Variants in COL4A2 observed in about 807,000 individuals in gnomAD.
The protein encoded by COL4A2 is collagen type IV alpha 2 chain.
COL4A2 carries 99 observed loss-of-function variants against 200.2 expected under a neutral mutation model. That is an observed-to-expected ratio of 0.49 (90% CI 0.42 to 0.58). COL4A2 has a LOEUF of 0.58. COL4A2 is among the 20% of genes least tolerant of loss of function. The pLI is 0.00. For missense variants in COL4A2, 1,950 were observed against 2,314.1 expected (o/e 0.84, Z 3.23); for synonymous variants, 897 against 900.6 (o/e 1.00, Z 0.07).
intron 3 of COL4A2, among the ~76,000 whole-genome samples, chr13:110,326,808 G>A (rs912051619): frequency 1.3e-5 from 2 of 152,186 alleles, no homozygotes; most frequent in African/African-American, 2.4e-5. Context: ...TCGGCCACCT[G>A]TGGACAGCAC....
At chr13:110,410,425 C>T (rs1879786843) in intron 4 of COL4A2, among the ~76,000 whole-genome samples, 1 of 152,192 alleles carries the variant, frequency 6.6e-6, no homozygotes, top group South Asian at 2.1e-4. Flanking sequence ...CACTGTGAGA[C>T]TCATTCTGTT....
At chr13:110,372,967 C>T (rs926049801) in intron 4 of COL4A2, among the ~76,000 whole-genome samples, 1 of 152,196 alleles carries the variant, frequency 6.6e-6, no homozygotes, top group African/African-American at 2.4e-5. Context: ...ATGTTGGCTG[C>T]TGTGTAGCTG....
intron 27 of COL4A2, among the ~76,000 whole-genome samples, chr13:110,467,560 C>G (rs1304621453): frequency 1.3e-5 from 2 of 152,262 alleles, no homozygotes; most frequent in African/African-American, 4.8e-5. Context: ...ACCTGGGCTT[C>G]TATCTGCTGG....
At chr13:110,360,137 C>T (rs1877452348) in intron 4 of COL4A2, among the ~76,000 whole-genome samples, 1 of 152,250 alleles carries the variant, frequency 6.6e-6, no homozygotes, top group Admixed American at 6.5e-5. Flanking sequence ...CACCCCGCAG[C>T]CCTTGACTGG....
intron 37 of COL4A2, among the ~76,000 whole-genome samples, chr13:110,491,576 C>G (rs1883284456): frequency 6.6e-6 from 1 of 152,184 alleles, no homozygotes; most frequent in African/African-American, 2.4e-5. Flanking sequence ...AGAAGTGCCT[C>G]TTCGGTTGAG....
chr13:110,389,383 T>C (rs1334748818), intron 4 of COL4A2, among the ~76,000 whole-genome samples: 1 of 152,190 alleles, frequency 6.6e-6, no homozygotes, highest in African/African-American at 2.4e-5. Flanking sequence ...CCCTAATCTG[T>C]GCATGTGTGT....
At chr13:110,404,398 G>A (rs7991842) in intron 4 of COL4A2, among the ~76,000 whole-genome samples, 109,148 of 152,086 alleles carry the variant, frequency 0.72, 39,817 homozygotes, top group East Asian at 0.86. Flanking sequence ...TGCGTGAAGG[G>A]TTCTGTGATA....
intron 3 of COL4A2, among the ~76,000 whole-genome samples, chr13:110,349,278 T>C (rs1455755433): frequency 6.6e-6 from 1 of 152,212 alleles, no homozygotes; most frequent in Non-Finnish European, 1.5e-5. Context: ...TGGGCAGTTT[T>C]CTCCACGTTT....
intron 4 of COL4A2, among the ~76,000 whole-genome samples, chr13:110,367,901 G>C (rs551706929): frequency 6.6e-6 from 1 of 152,160 alleles, no homozygotes; most frequent in Admixed American, 6.5e-5. Flanking sequence ...TACTGTACAC[G>C]TTCACAGCCC....
intron 3 of COL4A2, among the ~76,000 whole-genome samples, chr13:110,310,165 GCTC>G (rs761916509): frequency 0.016 from 2,459 of 152,312 alleles, 36 homozygotes; most frequent in Middle Eastern, 0.041. Flanking sequence ...ATTGCTGCAA[GCTC>G]ACCCCCAGTC....
chr13:110,324,640 A>G (rs1239454425), intron 3 of COL4A2, among the ~76,000 whole-genome samples: 1 of 152,118 alleles, frequency 6.6e-6, no homozygotes, highest in East Asian at 1.9e-4. Context: ...CTGCATTCCT[A>G]ATGCTCCCAG....
chr13:110,349,285 G>A (rs1053930525), intron 3 of COL4A2, among the ~76,000 whole-genome samples: 2 of 152,146 alleles, frequency 1.3e-5, no homozygotes, highest in Admixed American at 6.5e-5. Context: ...TTTTCTCCAC[G>A]TTTTGAGATG....
intron 12 of COL4A2, among the ~76,000 whole-genome samples, chr13:110,435,515 G>C (rs951098572): frequency 6.6e-6 from 1 of 152,202 alleles, no homozygotes; most frequent in African/African-American, 2.4e-5. Context: ...GACACTCAGC[G>C]TACACTATGG....
chr13:110,391,550 T>C (rs112408321), intron 4 of COL4A2, among the ~76,000 whole-genome samples: 27 of 152,296 alleles, frequency 1.8e-4, no homozygotes, highest in African/African-American at 6.3e-4. Context: ...AAGAAGAAAT[T>C]GAGTAGTGAA....
At chr13:110,401,794 G>A (rs4492912) in intron 4 of COL4A2, among the ~76,000 whole-genome samples, 89,222 of 152,076 alleles carry the variant, frequency 0.59, 26,827 homozygotes, top group Non-Finnish European at 0.66. Flanking sequence ...CTGTTCTAGA[G>A]GCTGGTAAGT....
rs1205948593 is a variant in COL4A2 at position 110,457,273 on chromosome 13, T to C, written c.1340-70T>C. The C allele has an allele frequency of 6.7e-6, 5 of 746,828 alleles. 1 individual carries two copies. The East Asian group carries it at 1.3e-4, about 20-fold the overall frequency. The allele number at this position is 746,828 out of a possible 1,614,324, so 46.3% of individuals were successfully genotyped here. A position where few individuals can be genotyped will look rare whatever the true frequency, so the allele number is the denominator to read the frequency against. ...GGACCCCAGGCGTCCGTGGGGCTGA[T>C]GCCCTGCGTCTGCGTGGGACCCCAG... On this transcript the variant is annotated intron_variant, in intron 20 of 47. Coordinates refer to ENST00000360467, the MANE Select transcript of COL4A2 (RefSeq NM_001846.4).
rs117407169 is a variant in COL4A2, at chr13:110,425,784, C to G, written c.360+787C>G. 2.0e-4 allele frequency among the ~76,000 whole-genome samples: 31 copies of G among 152,312 alleles called. No individual in the cohort carries two copies. In the East Asian group the frequency reaches 5.6e-3, roughly 27 times the overall value. ...CACGCACAGGGAGAGAGACTCCATT[C>G]CCAGGCTGCACGAGTAGGGCCATGC... On this transcript the variant is annotated intron_variant, in intron 6 of 47. Coordinates refer to ENST00000360467, the MANE Select transcript of COL4A2 (RefSeq NM_001846.4).
At chr13:110,482,426 C>T (rs888435166) in intron 31 of COL4A2, 90 bp from the exon 32 acceptor site, 11 of 1,399,884 alleles carry the variant, frequency 7.9e-6, no homozygotes, top group Non-Finnish European at 8.0e-6. Context: ...ACTTGAGTTA[C>T]ATTGCCGAAA....
At chr13:110,492,028 G>C (rs1226951184) in intron 37 of COL4A2, 42 bp from the exon 38 acceptor site, 25 of 1,513,894 alleles carry the variant, frequency 1.7e-5, no homozygotes, top group Non-Finnish European at 2.1e-5. Context: ...CAGCGCCCAA[G>C]GTGTCCTGTG....
Sources: gnomAD v4.1 joint callset for allele counts (sites outside exome capture counted in the v4.1 genomes callset) on GRCh38, gnomAD v4.1.1 for gene constraint, MANE v1.5 for transcripts, NCBI Gene and HGNC (gene_info 2026-07-23, HGNC 2026-07-21) for gene names.